The following CLEC16A variants were observed in gnomAD, a reference collection of about 807,000 sequenced individuals.
CLEC16A encodes the protein protein CLEC16A.
CLEC16A carries 51 observed loss-of-function variants against 109.5 expected under a neutral mutation model. That is an observed-to-expected ratio of 0.47 (90% CI 0.37 to 0.59). CLEC16A has a LOEUF of 0.59. Ranked by LOEUF, CLEC16A falls within the 20% of genes least tolerant of loss-of-function variation. The probability of loss-of-function intolerance (pLI) is 0.00; values close to 1 mark genes in which losing one functional copy is unlikely to be tolerated. For synonymous variants in CLEC16A, 673 were observed against 564.2 expected, an observed-to-expected ratio of 1.19 and a Z score of -2.73; for missense variants, 1,339 against 1,394.0, an observed-to-expected ratio of 0.96 and a Z score of 0.63.
intron 19 of CLEC16A, among the ~76,000 whole-genome samples, chr16:11,103,971 C>T (rs1033864747): frequency 6.6e-6 from 1 of 152,208 alleles, no homozygotes; most frequent in African/African-American, 2.4e-5. Context: ...GAATGCCAGG[C>T]TCAGATCCAT....
At chr16:11,009,393 T>C (rs1470731299) in intron 11 of CLEC16A, among the ~76,000 whole-genome samples, 1 of 152,232 alleles carries the variant, frequency 6.6e-6, no homozygotes, top group Non-Finnish European at 1.5e-5. Context: ...ATAATGCCGC[T>C]ATAAACATGG....
At chr16:11,091,085 C>T (rs2050279079) in intron 19 of CLEC16A, among the ~76,000 whole-genome samples, 1 of 152,140 alleles carries the variant, frequency 6.6e-6, no homozygotes, top group Non-Finnish European at 1.5e-5. Context: ...CAGGCGTGAG[C>T]CACCAAGCCT....
Position 11,180,901 on chromosome 16 carries a change from T to A in CLEC16A, c.*2211T>A, listed in dbSNP as rs2068934769. The A allele has an allele frequency of 6.6e-6, 1 of 152,596 alleles. No individual in the cohort carries two copies. The highest frequency in any genetic ancestry group is 1.5e-5 in the Non-Finnish European group (1 of 68,376). 9.5% of individuals were successfully genotyped at this position (152,596 alleles called of 1,614,324 possible). ...GGACCAGCAGAGGATTAAAGGTGAC[T>A]GGGAGGACCAGCGGAGGATAAAAGA... On this transcript the variant is annotated 3_prime_UTR_variant, in exon 24 of 24. Transcript: ENST00000409790.
At chr16:11,090,813 T>A (rs1232561609) in intron 19 of CLEC16A, among the ~76,000 whole-genome samples, 3 of 49,712 alleles carry the variant, frequency 6.0e-5, no homozygotes, top group Non-Finnish European at 1.2e-4. Flanking sequence ...CCCAGCTAAT[T>A]TTTTTTTTTT....
At chr16:11,052,931 T>A (rs1444710252) in intron 18 of CLEC16A, among the ~76,000 whole-genome samples, 4 of 152,126 alleles carry the variant, frequency 2.6e-5, no homozygotes, top group African/African-American at 9.7e-5. Flanking sequence ...CAGTGAGCTG[T>A]GATCCATCCT....
intron 22 of CLEC16A, among the ~76,000 whole-genome samples, chr16:11,138,686 G>C (rs1314730602): frequency 6.6e-6 from 1 of 152,188 alleles, no homozygotes; most frequent in African/African-American, 2.4e-5. Context: ...GGATTATATT[G>C]CTTGTTTCAA....
chr16:10,959,157 T>C (rs1567503876), intron 2 of CLEC16A, among the ~76,000 whole-genome samples: 1 of 152,140 alleles, frequency 6.6e-6, no homozygotes, highest in South Asian at 2.1e-4. Flanking sequence ...AGAAGGATAT[T>C]ACCTTTTCAT....
chr16:11,079,811 G>A (rs1288846262), intron 19 of CLEC16A, among the ~76,000 whole-genome samples: 1 of 152,188 alleles, frequency 6.6e-6, no homozygotes, highest in East Asian at 1.9e-4. Flanking sequence ...CAGCAAAACT[G>A]ATGAACATCT....
chr16:11,136,664 A>G (rs1484755911), intron 22 of CLEC16A, among the ~76,000 whole-genome samples: 1 of 152,240 alleles, frequency 6.6e-6, no homozygotes, highest in Non-Finnish European at 1.5e-5. Context: ...TTGGTAAAAC[A>G]CCGGGGTGTA....
chr16:11,008,040 G>A (rs919241768), intron 11 of CLEC16A, among the ~76,000 whole-genome samples: 1 of 152,076 alleles, frequency 6.6e-6, no homozygotes. Context: ...AACAAAGGAA[G>A]GGCTGCCCCC....
chr16:11,089,482 G>T (rs7186411), intron 19 of CLEC16A, among the ~76,000 whole-genome samples: 6,789 of 152,200 alleles, frequency 0.045, 533 homozygotes, highest in African/African-American at 0.16. Context: ...TTGTCAGGAG[G>T]CAGTCCTAGC....
chr16:11,097,143 C>A (rs181678927), intron 19 of CLEC16A, among the ~76,000 whole-genome samples: 1 of 152,270 alleles, frequency 6.6e-6, no homozygotes, highest in Admixed American at 6.5e-5. Context: ...ATGAGAACGG[C>A]GGTAACCTAA....
chr16:11,126,294 A>G (rs2052813508), intron 22 of CLEC16A, 148 bp downstream of exon 22: 1 of 1,545,106 alleles, frequency 6.5e-7, no homozygotes, highest in Non-Finnish European at 8.7e-7. Flanking sequence ...TTGTCAAAGC[A>G]CAGCGCAAGA....
chr16:11,122,236 A>G (rs1451471060), intron 20 of CLEC16A, among the ~76,000 whole-genome samples: 1 of 152,216 alleles, frequency 6.6e-6, no homozygotes, highest in Non-Finnish European at 1.5e-5. Context: ...CCTCTTCTTC[A>G]GGATCTTTCT....
chr16:10,988,566 C>G (rs1486009578), intron 10 of CLEC16A, among the ~76,000 whole-genome samples: 3 of 152,200 alleles, frequency 2.0e-5, no homozygotes, highest in African/African-American at 7.2e-5. Context: ...TGTAATGACT[C>G]TCAGAGCAGA....
intron 1 of CLEC16A, among the ~76,000 whole-genome samples, chr16:10,956,284 G>A (rs892516399): frequency 3.9e-5 from 6 of 152,172 alleles, no homozygotes; most frequent in African/African-American, 9.7e-5. Context: ...AACAGTATTC[G>A]TAAATAAACC....
rs1458888669 is a variant in CLEC16A, at chr16:10,954,354, CT to C, written c.81-3421del. On this transcript the variant is annotated intron_variant, in intron 1 of 23. Transcript: ENST00000409790. The surrounding 1 kb of genome is among the most constrained non-coding windows in gnomAD (Gnocchi z 4.2). ...CCAGGCACGTGGGGGCTCCTAGAAT[CT>C]TTTTTTCAGGACTTACCGCCCTGCC... 2.0e-5 allele frequency among the ~76,000 whole-genome samples: 3 copies of C among 152,132 alleles called. No homozygotes were observed. The highest frequency in any genetic ancestry group is 4.4e-5 in the Non-Finnish European group (3 of 68,016).
intron 1 of CLEC16A, among the ~76,000 whole-genome samples, chr16:10,948,944 G>A (rs961526983): frequency 1.3e-5 from 2 of 152,122 alleles, no homozygotes; most frequent in Non-Finnish European, 2.9e-5. Flanking sequence ...AGTATCCCTG[G>A]ACCAGCAAGG....
intron 17 of CLEC16A, 200 bp downstream of exon 17, chr16:11,047,542 TG>T (rs1373860613): frequency 4.8e-6 from 2 of 418,504 alleles, no homozygotes; most frequent in Non-Finnish European, 8.5e-6. Context: ...CCCTCTAACA[TG>T]GGAGGTGTCC....
Sources: gnomAD v4.1 joint callset for allele counts (sites outside exome capture counted in the v4.1 genomes callset) on GRCh38, gnomAD v4.1.1 for gene constraint, Gnocchi (gnomAD v3.1) non-coding constraint, MANE v1.5 for transcripts, NCBI Gene and HGNC (gene_info 2026-07-23, HGNC 2026-07-21) for gene names.